GRM7: variants seen among roughly 807,000 people sequenced by gnomAD.
GRM7 encodes the protein metabotropic glutamate receptor 7.
GRM7 carries 35 observed loss-of-function variants against 84.5 expected under a neutral mutation model. The ratio of observed to expected loss-of-function variants is 0.41; its 90% confidence interval spans 0.32 to 0.55. GRM7 has a LOEUF of 0.55. Ranked by LOEUF, GRM7 falls within the 20% of genes least tolerant of loss-of-function variation. The pLI, the probability that GRM7 is intolerant of heterozygous loss-of-function variation, is 0.19. For missense variants in GRM7, 1,003 were observed against 1,194.6 expected (o/e 0.84, Z 2.36); for synonymous variants, 487 against 455.1 (o/e 1.07, Z -0.89).
intron 1 of GRM7, among the ~76,000 whole-genome samples, chr3:6,957,083 C>G (rs895615585): frequency 6.6e-5 from 10 of 151,824 alleles, no homozygotes; most frequent in Non-Finnish European, 1.2e-4. Context: ...TATTATAGAC[C>G]CTTTCAGTGC....
At chr3:7,501,214 C>T (rs562482175) in intron 7 of GRM7, among the ~76,000 whole-genome samples, 2 of 152,294 alleles carry the variant, frequency 1.3e-5, no homozygotes, top group East Asian at 1.9e-4. Context: ...TCATTATCCT[C>T]ATTTCAGAGG....
chr3:7,336,384 G>A (rs1485889484), intron 4 of GRM7, among the ~76,000 whole-genome samples: 1 of 151,838 alleles, frequency 6.6e-6, no homozygotes, highest in South Asian at 2.1e-4. Flanking sequence ...GCATAGAAGG[G>A]ACATACCTTA....
intron 7 of GRM7, among the ~76,000 whole-genome samples, chr3:7,481,947 G>C (rs1170346198): frequency 2.6e-5 from 4 of 152,188 alleles, no homozygotes; most frequent in Admixed American, 2.6e-4. Flanking sequence ...CCAGCACTTT[G>C]GGAGGCTGAG....
At chr3:7,510,276 G>T (rs1369497102) in intron 7 of GRM7, among the ~76,000 whole-genome samples, 1 of 151,962 alleles carries the variant, frequency 6.6e-6, no homozygotes. Flanking sequence ...GAACATTCAG[G>T]CTCCCCAGAG....
intron 7 of GRM7, among the ~76,000 whole-genome samples, chr3:7,462,811 G>A (rs182780049): frequency 2.0e-5 from 3 of 152,058 alleles, no homozygotes; most frequent in African/African-American, 4.8e-5. Flanking sequence ...ACTAAAATTG[G>A]GTCCAAAAGA....
intron 9 of GRM7, among the ~76,000 whole-genome samples, chr3:7,716,380 G>A (rs1301522592): frequency 2.0e-5 from 3 of 152,238 alleles, no homozygotes; most frequent in African/African-American, 4.8e-5. Context: ...TGCCTACAGG[G>A]AAAATAATAC....
At chr3:7,398,827 A>G (rs772021867) in intron 4 of GRM7, among the ~76,000 whole-genome samples, 4 of 152,192 alleles carry the variant, frequency 2.6e-5, no homozygotes, top group Non-Finnish European at 5.9e-5. Flanking sequence ...TCCCATGGCC[A>G]TGAAGCCAAC....
chr3:7,140,739 C>T (rs1267734982), intron 1 of GRM7, among the ~76,000 whole-genome samples: 1 of 151,904 alleles, frequency 6.6e-6, no homozygotes, highest in Admixed American at 6.6e-5. Flanking sequence ...TTCTGTGTCT[C>T]AAGTAAAAAT....
At chr3:7,645,357 G>GC (rs1698577268) in intron 8 of GRM7, among the ~76,000 whole-genome samples, 1 of 151,586 alleles carries the variant, frequency 6.6e-6, no homozygotes, top group Non-Finnish European at 1.5e-5. Context: ...GACCATCCTG[G>GC]CCAACATGGT....
chr3:7,581,743 A>G (rs1234899396), intron 8 of GRM7, among the ~76,000 whole-genome samples: 1 of 152,244 alleles, frequency 6.6e-6, no homozygotes, highest in Non-Finnish European at 1.5e-5. Context: ...GAGTTCAGTA[A>G]TAACAATTTA....
chr3:7,358,991 A>C lies in GRM7; in HGVS notation c.1033+52339A>C, dbSNP rs114910856. 7.0e-3 allele frequency among the ~76,000 whole-genome samples: 913 copies of C among 130,310 alleles called. 8 individuals carry two copies. Among genetic ancestry groups the C allele is most frequent in the African/African-American group, 0.027 (859 of 31,532 alleles). The allele number at this position is 130,310 out of a possible 152,430, so 85.5% of individuals were successfully genotyped here. A position where few individuals can be genotyped will look rare whatever the true frequency, so the allele number is the denominator to read the frequency against. On this transcript the variant is annotated intron_variant, in intron 4 of 9. Transcript: ENST00000357716. ...AAACTTACCTGGGCGAGGTGGCACA[A>C]GCCTATAATCCCAGCTACTCTGGAA... is the stretch of plus-strand genomic sequence containing the variant.
At chr3:7,340,827 CA>C (rs1192073405) in intron 4 of GRM7, among the ~76,000 whole-genome samples, 1 of 152,132 alleles carries the variant, frequency 6.6e-6, no homozygotes, top group African/African-American at 2.4e-5. Context: ...TGTTCTGTCA[CA>C]AAAGCCAGCT....
Position 7,013,318 on chromosome 3 carries a change from C to T in GRM7, c.520-133134C>T, listed in dbSNP as rs115049211. ...GGGTGTAAGAAAAAATATTTTTCTC[C>T]CCATCCCTCATTACCCAGCTTCAAA... is the stretch of plus-strand genomic sequence containing the variant. On this transcript the variant is annotated intron_variant, in intron 1 of 9. Transcript: ENST00000357716. 1.8e-3 allele frequency among the ~76,000 whole-genome samples: 278 copies of T among 152,028 alleles called. 1 individual carries two copies. The highest frequency in any genetic ancestry group is 6.5e-3 in the African/African-American group (270 of 41,464).
intron 1 of GRM7, among the ~76,000 whole-genome samples, chr3:6,903,939 A>C (rs951895126): frequency 3.9e-5 from 6 of 152,086 alleles, no homozygotes; most frequent in African/African-American, 1.4e-4. Context: ...CTCATCCATG[A>C]CCTGTGCTCA....
chr3:6,976,060 G>A (rs980078628), intron 1 of GRM7, among the ~76,000 whole-genome samples: 13 of 152,052 alleles, frequency 8.5e-5, no homozygotes, highest in East Asian at 1.9e-4. Context: ...GAACTGGCAC[G>A]GTTGGCCTGG....
At chr3:7,476,749 T>TAATG (rs1463631933) in intron 7 of GRM7, among the ~76,000 whole-genome samples, 1 of 152,150 alleles carries the variant, frequency 6.6e-6, no homozygotes, top group African/African-American at 2.4e-5. Flanking sequence ...CTTCTCCTCA[T>TAATG]ACCTCTCTGC....
chr3:7,707,294 T>C (rs1701423327), intron 9 of GRM7, among the ~76,000 whole-genome samples: 2 of 152,180 alleles, frequency 1.3e-5, no homozygotes, highest in Non-Finnish European at 2.9e-5. Flanking sequence ...TTCAGCATTT[T>C]AACCTTTCTC....
chr3:6,984,431 T>G (rs1413134516), intron 1 of GRM7, among the ~76,000 whole-genome samples: 1 of 152,246 alleles, frequency 6.6e-6, no homozygotes, highest in African/African-American at 2.4e-5. Flanking sequence ...AATAATTACA[T>G]AGATTTCATT....
chr3:7,038,937 A>G (rs560027624), intron 1 of GRM7, among the ~76,000 whole-genome samples: 1 of 152,270 alleles, frequency 6.6e-6, no homozygotes, highest in East Asian at 1.9e-4. Context: ...GAGGGCAGCA[A>G]CATAATCGTC....
Sources: gnomAD v4.1 joint callset for allele counts (sites outside exome capture counted in the v4.1 genomes callset) on GRCh38, gnomAD v4.1.1 for gene constraint, MANE v1.5 for transcripts, NCBI Gene and HGNC (gene_info 2026-07-23, HGNC 2026-07-21) for gene names.